The following NME7 variants were observed in gnomAD, a reference collection of about 807,000 sequenced individuals.
NME7 encodes the protein nucleoside diphosphate kinase 7.
NME7 carries 41 observed loss-of-function variants against 49.1 expected under a neutral mutation model. That is an observed-to-expected ratio of 0.83 (90% CI 0.65 to 1.08). NME7 has a LOEUF of 1.08. Among genes scored for constraint, NME7 ranks in the 50% least tolerant of loss-of-function variants. The pLI is 0.00. For synonymous variants in NME7, 139 were observed against 150.6 expected (o/e 0.92, Z 0.56); for missense variants, 423 against 463.4 (o/e 0.91, Z 0.80).
rs1649511455 is a variant in NME7 at position 169,272,109 on chromosome 1, T to C, written c.754+15194A>G. ...ATTTCTTTGCCTTAATTAAGTTATA[T>C]GACCTAATGTTATATATCAAATATA... On this transcript the variant is annotated intron_variant, in intron 7 of 11. Transcript: ENST00000367811. 5.3e-5 allele frequency among the ~76,000 whole-genome samples: 7 copies of C among 132,342 alleles called. 1 individual carries two copies. Among genetic ancestry groups the C allele is most frequent in the Admixed American group, 5.2e-4 (7 of 13,398 alleles). The allele number at this position is 132,342 out of a possible 152,430, so 86.8% of individuals were successfully genotyped here.
At chr1:169,229,545 T>A (rs1027885949) in intron 10 of NME7, among the ~76,000 whole-genome samples, 15 of 152,236 alleles carry the variant, frequency 9.9e-5, no homozygotes. Context: ...TCTTTATGTA[T>A]ATACTTTTAG....
intron 11 of NME7, among the ~76,000 whole-genome samples, chr1:169,149,858 G>A (rs558132199): frequency 1.3e-5 from 2 of 152,184 alleles, no homozygotes; most frequent in Admixed American, 1.3e-4. Flanking sequence ...TGGGACCAAT[G>A]GAAAGCAAAA....
chr1:169,217,762 G>T (rs1661011077), intron 10 of NME7, among the ~76,000 whole-genome samples: 1 of 152,172 alleles, frequency 6.6e-6, no homozygotes, highest in Non-Finnish European at 1.5e-5. Flanking sequence ...AAACAAGACT[G>T]TTACGTACAT....
intron 7 of NME7, among the ~76,000 whole-genome samples, chr1:169,274,860 G>A (rs1254014333): frequency 7.5e-5 from 10 of 133,522 alleles, no homozygotes; most frequent in African/African-American, 2.5e-4. Context: ...TGCTGTTTTG[G>A]TTACTGTAGC....
intron 7 of NME7, among the ~76,000 whole-genome samples, chr1:169,281,546 T>G (rs1006307355): frequency 5.3e-5 from 8 of 152,186 alleles, no homozygotes; most frequent in African/African-American, 1.9e-4. Context: ...TCAAAGGGAA[T>G]GCTTCAAGCT....
chr1:169,204,392 C>A (rs1421675873), intron 10 of NME7, among the ~76,000 whole-genome samples: 2 of 151,660 alleles, frequency 1.3e-5, no homozygotes, highest in East Asian at 3.9e-4. Context: ...TATTAAGTAA[C>A]AAAATTCCCA....
intron 10 of NME7, among the ~76,000 whole-genome samples, chr1:169,209,077 G>C (rs760637712): frequency 6.6e-6 from 1 of 150,978 alleles, no homozygotes; most frequent in Non-Finnish European, 1.5e-5. Flanking sequence ...TACAAAACTT[G>C]AGTTTTTAAA....
intron 7 of NME7, among the ~76,000 whole-genome samples, chr1:169,281,926 C>T (rs764762019): frequency 1.7e-4 from 26 of 152,128 alleles, no homozygotes; most frequent in Admixed American, 1.1e-3. Flanking sequence ...TGTTGTGTCT[C>T]TTCCAGGTTT....
chr1:169,364,375 G>GA (rs1392081594), intron 1 of NME7, among the ~76,000 whole-genome samples: 19 of 152,162 alleles, frequency 1.2e-4, no homozygotes, highest in African/African-American at 4.6e-4. Context: ...GTGTGGAGGG[G>GA]AAAGCTCTGA....
chr1:169,275,594 A>T (rs1649680231), intron 7 of NME7, among the ~76,000 whole-genome samples: 1 of 131,482 alleles, frequency 7.6e-6, no homozygotes, highest in Non-Finnish European at 1.8e-5. Flanking sequence ...GGCTGAGATA[A>T]TGGGGATTTC....
chr1:169,278,310 A>G (rs1379997336), intron 7 of NME7, among the ~76,000 whole-genome samples: 3 of 151,522 alleles, frequency 2.0e-5, no homozygotes, highest in Non-Finnish European at 4.4e-5. Flanking sequence ...TCTCCCCGTC[A>G]CTTTCAGGTA....
chr1:169,276,900 T>C (rs991414476), intron 7 of NME7, among the ~76,000 whole-genome samples: 8 of 149,318 alleles, frequency 5.4e-5, no homozygotes, highest in Non-Finnish European at 9.0e-5. Flanking sequence ...TTTGTTCTCG[T>C]TGGTTTCAAA....
intron 1 of NME7, among the ~76,000 whole-genome samples, chr1:169,354,637 A>C (rs1040560426): frequency 3.4e-5 from 5 of 148,354 alleles, no homozygotes; most frequent in Non-Finnish European, 5.9e-5. Context: ...TGGTGTACAT[A>C]TTTATATATT....
rs1467340679 is a variant in NME7 at position 169,258,758 on chromosome 1, C to T, written c.755-21071G>A. On this transcript the variant is annotated intron_variant, in intron 7 of 11. Transcript: ENST00000367811. ...ACTGAATATGGGCCTCCATTTTCTT[C>T]TGTTATTCCCCAGCATGGTTCTATA... Among the ~76,000 whole-genome samples the T allele has an allele frequency of 6.0e-5, 8 of 133,262 alleles. No homozygotes were observed. In the East Asian group the frequency reaches 1.6e-3, roughly 27 times the overall value. 87.4% of individuals were successfully genotyped at this position (133,262 alleles called of 152,430 possible).
intron 1 of NME7, among the ~76,000 whole-genome samples, chr1:169,341,957 T>C (rs182159785): frequency 3.3e-5 from 5 of 152,262 alleles, no homozygotes; most frequent in Non-Finnish European, 7.4e-5. Flanking sequence ...AAGACTTGCC[T>C]TGTCTCAGAT....
intron 7 of NME7, among the ~76,000 whole-genome samples, chr1:169,244,386 A>C (rs1217078186): frequency 1.3e-5 from 2 of 152,142 alleles, no homozygotes; most frequent in Non-Finnish European, 2.9e-5. Context: ...TAATCCCAGC[A>C]CTTTGGGAGG....
chr1:169,202,226 G>A (rs565629895), intron 10 of NME7, among the ~76,000 whole-genome samples: 2 of 152,288 alleles, frequency 1.3e-5, no homozygotes, highest in African/African-American at 2.4e-5. Context: ...CTGGTAGGAG[G>A]TGTTTGAATC....
At chr1:169,169,378 C>A (rs572243484) in intron 11 of NME7, 69 bp downstream of exon 11, 1 of 1,372,212 alleles carries the variant, frequency 7.3e-7, no homozygotes, top group Non-Finnish European at 1.0e-6. Flanking sequence ...AGTTTTCTTA[C>A]ACATCAGAAC....
At position 169,271,672 on chromosome 1, in the gene NME7, T is replaced by C. The variant is rs1649496940; in HGVS notation, c.754+15631A>G. ...TTCATCAACAGGATATTCTGGCCTT[T>C]TTTTGGGAAGTCAGCAGTCAACAGA... is the stretch of plus-strand genomic sequence containing the variant. On this transcript the variant is annotated intron_variant, in intron 7 of 11. Coordinates refer to ENST00000367811, the MANE Select transcript of NME7 (RefSeq NM_013330.5). Among the ~76,000 whole-genome samples the C allele has an allele frequency of 2.2e-5, 3 of 133,606 alleles. 1 individual carries two copies. Among genetic ancestry groups the C allele is most frequent in the Admixed American group, 2.2e-4 (3 of 13,464 alleles). The allele number at this position is 133,606 out of a possible 152,430, so 87.7% of individuals were successfully genotyped here. A position where few individuals can be genotyped will look rare whatever the true frequency, so the allele number is the denominator to read the frequency against.
Sources: gnomAD v4.1 joint callset for allele counts (sites outside exome capture counted in the v4.1 genomes callset) on GRCh38, gnomAD v4.1.1 for gene constraint, MANE v1.5 for transcripts, NCBI Gene and HGNC (gene_info 2026-07-23, HGNC 2026-07-21) for gene names.